The following TRHDE variants were observed in gnomAD, a reference collection of about 807,000 sequenced individuals.
The protein encoded by TRHDE is thyrotropin-releasing hormone-degrading ectoenzyme.
TRHDE carries 72 observed loss-of-function variants against 125.7 expected under a neutral mutation model. That is an observed-to-expected ratio of 0.57 (90% CI 0.47 to 0.70). TRHDE has a LOEUF of 0.70. TRHDE is among the 30% of genes least tolerant of loss of function. TRHDE has a pLI of 0.00. For missense variants in TRHDE, 1,110 were observed against 1,327.1 expected (o/e 0.84, Z 2.54); for synonymous variants, 509 against 509.1 (o/e 1.00, Z 0.00).
intron 2 of TRHDE, among the ~76,000 whole-genome samples, chr12:72,190,446 G>A (rs1306880979): frequency 2.0e-5 from 3 of 152,160 alleles, no homozygotes; most frequent in Non-Finnish European, 2.9e-5. Flanking sequence ...AATTTGAATG[G>A]TATAAGTGAT....
intron 2 of TRHDE, among the ~76,000 whole-genome samples, chr12:72,373,553 G>T (rs951983003): frequency 6.6e-6 from 1 of 152,084 alleles, no homozygotes; most frequent in Admixed American, 6.6e-5. Context: ...GTAGCAAGAA[G>T]CAAAATGAAT....
intron 2 of TRHDE, among the ~76,000 whole-genome samples, chr12:72,336,683 G>T (rs1481816689): frequency 6.6e-6 from 1 of 152,192 alleles, no homozygotes; most frequent in Admixed American, 6.5e-5. Context: ...GAGGGCCTTT[G>T]TGCTGTGTCA....
intron 3 of TRHDE, 110 bp from the exon 4 acceptor site, chr12:72,469,648 G>T: frequency 8.1e-7 from 1 of 1,240,472 alleles, no homozygotes; most frequent in Non-Finnish European, 1.1e-6. Flanking sequence ...AAATCACTAA[G>T]TAAAATCAAG....
chr12:72,358,169 G>T (rs1441407154), intron 2 of TRHDE, among the ~76,000 whole-genome samples: 2 of 151,430 alleles, frequency 1.3e-5, no homozygotes, highest in Non-Finnish European at 3.0e-5. Context: ...CCACTTTATT[G>T]AAGAGTTTAG....
At chr12:72,227,302 T>C (rs1269820002) in intron 2 of TRHDE, among the ~76,000 whole-genome samples, 2 of 152,130 alleles carry the variant, frequency 1.3e-5, no homozygotes, top group Non-Finnish European at 2.9e-5. Flanking sequence ...ATCACAGTCA[T>C]GAAAGAAGAC....
At chr12:72,097,477 T>C (rs2139286674) in intron 1 of TRHDE, among the ~76,000 whole-genome samples, 1 of 145,932 alleles carries the variant, frequency 6.9e-6, no homozygotes, top group Non-Finnish European at 1.5e-5. Flanking sequence ...TAGACAGAGT[T>C]TTGCTCTGTT....
intron 3 of TRHDE, among the ~76,000 whole-genome samples, chr12:72,391,170 A>G (rs778246297): frequency 1.3e-5 from 2 of 152,116 alleles, no homozygotes; most frequent in Admixed American, 6.5e-5. Flanking sequence ...GGAATGAAAC[A>G]TTTTGAGACG....
intron 15 of TRHDE, among the ~76,000 whole-genome samples, chr12:72,622,192 A>G (rs916536444): frequency 1.3e-5 from 2 of 152,138 alleles, no homozygotes; most frequent in African/African-American, 4.8e-5. Flanking sequence ...AGGTTATGAA[A>G]AAAAGATCTT....
At chr12:72,461,087 A>G (rs1876107860) in intron 3 of TRHDE, among the ~76,000 whole-genome samples, 1 of 152,204 alleles carries the variant, frequency 6.6e-6, no homozygotes, top group Non-Finnish European at 1.5e-5. Flanking sequence ...CCTAATGCTA[A>G]TTCAGGAGAA....
At chr12:72,605,191 C>G (rs1872384890) in intron 12 of TRHDE, among the ~76,000 whole-genome samples, 1 of 151,966 alleles carries the variant, frequency 6.6e-6, no homozygotes, top group African/African-American at 2.4e-5. Context: ...TCCCAAAGGA[C>G]AAAAAGTATC....
chr12:72,277,180 T>C (rs1371072220), intron 1 of TRHDE, among the ~76,000 whole-genome samples: 2 of 152,194 alleles, frequency 1.3e-5, no homozygotes, highest in Non-Finnish European at 2.9e-5. Flanking sequence ...AGAGAAACTA[T>C]AGTCTCCAAG....
intron 5 of TRHDE, among the ~76,000 whole-genome samples, chr12:72,486,901 C>T (rs1877435574): frequency 6.6e-6 from 1 of 151,834 alleles, no homozygotes; most frequent in African/African-American, 2.4e-5. Flanking sequence ...TACAAATAGA[C>T]AATGAAATCA....
intron 3 of TRHDE, among the ~76,000 whole-genome samples, chr12:72,423,329 T>A (rs1038994083): frequency 6.6e-6 from 1 of 152,166 alleles, no homozygotes; most frequent in Non-Finnish European, 1.5e-5. Context: ...AACTCCATTC[T>A]AAGTTCAGGA....
chr12:72,371,543 C>T (rs867121486), intron 2 of TRHDE, among the ~76,000 whole-genome samples: 51 of 151,188 alleles, frequency 3.4e-4, no homozygotes, highest in African/African-American at 1.2e-3. Flanking sequence ...CTTCCCCCCT[C>T]CCCCAACCCC....
intron 2 of TRHDE, among the ~76,000 whole-genome samples, chr12:72,115,281 T>C (rs1258140774): frequency 7.0e-6 from 1 of 142,688 alleles, no homozygotes; most frequent in Non-Finnish European, 1.5e-5. Context: ...TTTTAATTTT[T>C]AGCTTCCGCA....
At chr12:72,505,536 G>T (rs1294164660) in intron 6 of TRHDE, among the ~76,000 whole-genome samples, 1 of 152,096 alleles carries the variant, frequency 6.6e-6, no homozygotes, top group African/African-American at 2.4e-5. Context: ...AGAAGAACAG[G>T]GTTCAAAATA....
intron 2 of TRHDE, chr12:72,162,951 T>C (rs1876668152): frequency 6.6e-6 from 1 of 151,186 alleles, no homozygotes; most frequent in Admixed American, 6.6e-5. Flanking sequence ...AAGAAAGTGA[T>C]AGGCTCAATA....
intron 3 of TRHDE, among the ~76,000 whole-genome samples, chr12:72,404,017 G>T (rs978508121): frequency 6.6e-6 from 1 of 152,166 alleles, no homozygotes; most frequent in Non-Finnish European, 1.5e-5. Flanking sequence ...GCACATCTTT[G>T]CCTCTGTGTG....
At position 72,653,161 on chromosome 12, in the gene TRHDE, A is replaced by G; in HGVS notation, c.2984+5A>G. On this transcript the variant is annotated splice_donor_5th_base_variant and intron_variant, in intron 17 of 18. Transcript: ENST00000261180. ...ATGGAAGATATTAAATACCAGGTAG[A>G]AATTAGAATTCTTACTTGAATGAGT... The G allele has an allele frequency of 6.2e-7, 1 of 1,602,518 alleles. No individual in the cohort carries two copies. Among genetic ancestry groups the G allele is most frequent in the Non-Finnish European group, 8.5e-7 (1 of 1,174,706 alleles).
Sources: allele counts gnomAD v4.1 joint callset (sites outside exome capture counted in the v4.1 genomes callset), GRCh38; gene constraint gnomAD v4.1.1; transcripts MANE v1.5; gene names NCBI Gene and HGNC (gene_info 2026-07-23, HGNC 2026-07-21).